CLDN11: variants seen among roughly 807,000 people sequenced by gnomAD.
CLDN11 encodes the protein claudin-11.
In CLDN11, 1 loss-of-function variant was observed where a neutral mutation model predicts 18.0. That is an observed-to-expected ratio of 0.06 (90% CI 0.02 to 0.26). The LOEUF (loss-of-function observed/expected upper bound fraction) is 0.26. Ranked by LOEUF, CLDN11 falls within the 10% of genes least tolerant of loss-of-function variation. The pLI is 1.00. For missense variants in CLDN11, 172 were observed against 276.6 expected (o/e 0.62, Z 2.68); for synonymous variants, 116 against 121.5 (o/e 0.96, Z 0.30).
In CLDN11 at chr3:170,432,532, G is replaced by A. The variant is rs143763226; in HGVS notation, c.400G>A (p.Ala134Thr). The A allele has an allele frequency of 3.0e-5, 48 of 1,612,594 alleles. No homozygotes were observed. The highest frequency in any genetic ancestry group is 9.9e-5 in the South Asian group (9 of 91,066). Residue 134 changes from alanine (A) to threonine (T), a missense_variant, in exon 3 of 3, where the codon GCC (alanine) becomes ACC (threonine). Coordinates refer to ENST00000064724, the MANE Select transcript of CLDN11 (RefSeq NM_005602.6). ...TCTCCATGTCTCTCCAGCTCTCTGC[G>A]CCCTTGTTGCCACCATCTGGTTCCC... Reference protein sequence around the residue: ...GVLLILLALCALVATIWFPVC... With the variant: ...GVLLILLALCTLVATIWFPVC...
rs1738652939 is a variant in CLDN11 at position 170,418,924 on chromosome 3, C to T, written c.-143C>T. The T allele has an allele frequency of 1.9e-5, 12 of 630,286 alleles. No homozygotes were observed. Among genetic ancestry groups the T allele is most frequent in the Non-Finnish European group, 3.3e-5 (12 of 364,976 alleles). 39.0% of individuals were successfully genotyped at this position (630,286 alleles called of 1,614,324 possible). Reference sequence around the variant, plus strand: ...CGCTGAGCTCGCAGCCTCCGGCGCCCACCTCCACCTCCAGTGTCCCGCCTC... The same window carrying T: ...CGCTGAGCTCGCAGCCTCCGGCGCCTACCTCCACCTCCAGTGTCCCGCCTC... On this transcript the variant is annotated 5_prime_UTR_variant, in exon 1 of 3. Transcript: ENST00000064724. The surrounding 1 kb of genome is among the most constrained non-coding windows in gnomAD (Gnocchi z 4.3).
In CLDN11 at chr3:170,427,701, C is replaced by T. The variant is rs538943978; in HGVS notation, c.391+4374C>T. Reference sequence around the variant, plus strand: ...GCAGGTGCCTGTAATCCCAGCTACGCAGGAGGCTGAGGCACGAGGATTGCT... The same window carrying T: ...GCAGGTGCCTGTAATCCCAGCTACGTAGGAGGCTGAGGCACGAGGATTGCT... On this transcript the variant is annotated intron_variant, in intron 2 of 2. Transcript: ENST00000064724. Among the ~76,000 whole-genome samples the T allele has an allele frequency of 2.7e-5, 4 of 150,160 alleles. No homozygotes were observed. In the South Asian group the frequency reaches 8.4e-4, roughly 32 times the overall value.
At chr3:170,423,355 A>G (rs1373655358) in intron 2 of CLDN11, 28 bp downstream of exon 2, 3 of 1,608,428 alleles carry the variant, frequency 1.9e-6, no homozygotes, top group Non-Finnish European at 2.6e-6. Context: ...GTGGTACCCT[A>G]CCTATGAGGG....
At chr3:170,421,488 T>C (rs1215367121) in intron 1 of CLDN11, among the ~76,000 whole-genome samples, 1 of 152,260 alleles carries the variant, frequency 6.6e-6, no homozygotes, top group Admixed American at 6.5e-5. Context: ...TGGGCAGTGC[T>C]GGAAGAGGGC....
chr3:170,423,959 G>A (rs1738780486), intron 2 of CLDN11, among the ~76,000 whole-genome samples: 1 of 147,796 alleles, frequency 6.8e-6, no homozygotes, highest in African/African-American at 2.5e-5. Context: ...AACCCAGGAG[G>A]CAGAGGTTGC....
chr3:170,428,597 C>T (rs1463073733), intron 2 of CLDN11, among the ~76,000 whole-genome samples: 2 of 152,110 alleles, frequency 1.3e-5, no homozygotes, highest in Non-Finnish European at 2.9e-5. Context: ...TTTCTTTTCC[C>T]TTCCCTTTCT....
chr3:170,419,977 G>T lies in CLDN11; in HGVS notation c.226+685G>T, dbSNP rs1481598325. ...CGTCAGACTGCGGGGCTGCGGTGACGCCGGCTCCCGCTCCGCGCCGCTGGG... is the reference window on the plus strand; with the variant it reads ...CGTCAGACTGCGGGGCTGCGGTGACTCCGGCTCCCGCTCCGCGCCGCTGGG... On this transcript the variant is annotated intron_variant, in intron 1 of 2. Coordinates refer to ENST00000064724, the MANE Select transcript of CLDN11 (RefSeq NM_005602.6). The surrounding 1 kb of genome is among the most constrained non-coding windows in gnomAD (Gnocchi z 8.6). Among the ~76,000 whole-genome samples, 1 of 152,234 alleles carries T rather than the reference G, an allele frequency of 6.6e-6. No individual in the cohort carries two copies. Among genetic ancestry groups the T allele is most frequent in the East Asian group, 1.9e-4 (1 of 5,198 alleles).
At chr3:170,424,023 CA>C (rs58373106) in intron 2 of CLDN11, among the ~76,000 whole-genome samples, 31 of 120,268 alleles carry the variant, frequency 2.6e-4, no homozygotes, top group Non-Finnish European at 4.0e-4. Flanking sequence ...AGTGCAACTC[CA>C]AAAAAAAAAA....
Position 170,419,347 on chromosome 3 carries a change from C to A in CLDN11, c.226+55C>A. 2 of 1,341,476 alleles carry A rather than the reference C, an allele frequency of 1.5e-6. No homozygotes were observed. Among genetic ancestry groups the A allele is most frequent in the Non-Finnish European group, 1.0e-6 (1 of 969,420 alleles). 83.1% of individuals were successfully genotyped at this position (1,341,476 alleles called of 1,614,324 possible). On this transcript the variant is annotated intron_variant, in intron 1 of 2. Coordinates refer to ENST00000064724, the MANE Select transcript of CLDN11 (RefSeq NM_005602.6). The surrounding 1 kb of genome is among the most constrained non-coding windows in gnomAD (Gnocchi z 8.6). Reference sequence around the variant, plus strand: ...AAATCCTTATCCTCTGGGTAGAGAGCGGGATATTAGACGGCGTCACAGAGA... The same window carrying A: ...AAATCCTTATCCTCTGGGTAGAGAGAGGGATATTAGACGGCGTCACAGAGA...
chr3:170,420,738 G>A (rs187492031), intron 1 of CLDN11, among the ~76,000 whole-genome samples: 21 of 152,268 alleles, frequency 1.4e-4, no homozygotes, highest in Admixed American at 5.9e-4. Flanking sequence ...AAGGCCAGAG[G>A]TCAACGAACG....
At position 170,434,230 on chromosome 3, in the gene CLDN11, T is replaced by A. The variant is rs1462451622; in HGVS notation, c.*1474T>A. ...ACAAGTAATTCTGCATTGCCTTGAATAATTAAAAAGTTATATTTTATTCAC... is the reference window on the plus strand; with the variant it reads ...ACAAGTAATTCTGCATTGCCTTGAAAAATTAAAAAGTTATATTTTATTCAC... On this transcript the variant is annotated 3_prime_UTR_variant, in exon 3 of 3. Coordinates refer to ENST00000064724, the MANE Select transcript of CLDN11 (RefSeq NM_005602.6). The A allele has an allele frequency of 1.3e-5, 2 of 152,660 alleles. No homozygotes were observed. Among genetic ancestry groups the A allele is most frequent in the Admixed American group, 6.5e-5 (1 of 15,286 alleles). 9.5% of individuals were successfully genotyped at this position (152,660 alleles called of 1,614,324 possible).
chr3:170,420,312 T>G (rs975646863), intron 1 of CLDN11, among the ~76,000 whole-genome samples: 2 of 152,166 alleles, frequency 1.3e-5, no homozygotes, highest in Non-Finnish European at 2.9e-5. Flanking sequence ...GGTGGGCTTC[T>G]GTCCCCCAGC....
At position 170,433,463 on chromosome 3, in the gene CLDN11, G is replaced by A. The variant is rs963362385; in HGVS notation, c.*707G>A. 5.9e-5 allele frequency: 9 copies of A among 152,250 alleles called. No individual in the cohort carries two copies. Among genetic ancestry groups the A allele is most frequent in the African/African-American group, 2.2e-4 (9 of 41,510 alleles). The allele number at this position is 152,250 out of a possible 1,614,324, so 9.4% of individuals were successfully genotyped here. A position where few individuals can be genotyped will look rare whatever the true frequency, so the allele number is the denominator to read the frequency against. On this transcript the variant is annotated 3_prime_UTR_variant, in exon 3 of 3. Coordinates refer to ENST00000064724, the MANE Select transcript of CLDN11 (RefSeq NM_005602.6). ...CCAAGATGCTTTTCAAACTGATACA[G>A]ATGACAATGGGAGCCTCATAAAGAT...
chr3:170,423,351 C>T (rs764104078), intron 2 of CLDN11, 24 bp downstream of exon 2: 2 of 1,611,474 alleles, frequency 1.2e-6, no homozygotes, highest in Non-Finnish European at 1.7e-6. Context: ...CTCAGTGGTA[C>T]CCTACCTATG....
At position 170,432,922 on chromosome 3, in the gene CLDN11, C is replaced by T. The variant is rs1267805494; in HGVS notation, c.*166C>T. On this transcript the variant is annotated 3_prime_UTR_variant, in exon 3 of 3. Transcript: ENST00000064724. ...GTAGTCTTAACTTCTCCCCATTTCC[C>T]CCATCTTTTGGTTGCCTTAAAAGAA... The T allele has an allele frequency of 1.6e-6, 1 of 641,776 alleles. No individual in the cohort carries two copies. Among genetic ancestry groups the T allele is most frequent in the Non-Finnish European group, 2.7e-6 (1 of 373,074 alleles). 39.8% of individuals were successfully genotyped at this position (641,776 alleles called of 1,614,324 possible). A position where few individuals can be genotyped will look rare whatever the true frequency, so the allele number is the denominator to read the frequency against.
chr3:170,430,749 T>G (rs1212844647), intron 2 of CLDN11, among the ~76,000 whole-genome samples: 1 of 151,798 alleles, frequency 6.6e-6, no homozygotes, highest in Non-Finnish European at 1.5e-5. Flanking sequence ...TTTTGCCATG[T>G]TGGCCAGGCT....
At position 170,433,663 on chromosome 3, in the gene CLDN11, T is replaced by C. The variant is rs1458745761; in HGVS notation, c.*907T>C. ...ATATTTTTTAGTTTGTGATTTTACA[T>C]TTATCTGTACATACTTTTTCAAGAT... On this transcript the variant is annotated 3_prime_UTR_variant, in exon 3 of 3. Transcript: ENST00000064724. 1 of 152,612 alleles carries C rather than the reference T, an allele frequency of 6.6e-6. No homozygotes were observed. The highest frequency in any genetic ancestry group is 1.5e-5 in the Non-Finnish European group (1 of 68,026). The allele number at this position is 152,612 out of a possible 1,614,324, so 9.5% of individuals were successfully genotyped here.
chr3:170,418,869 G>A lies in CLDN11; in HGVS notation c.-198G>A. 2.0e-6 allele frequency: 1 copy of A among 505,716 alleles called. No individual in the cohort carries two copies. The allele number at this position is 505,716 out of a possible 1,614,324, so 31.3% of individuals were successfully genotyped here. ...GGGGGCGGGGGCGCGCTGCCCAGCA[G>A]CGCTGCTGTCCCCGCCGTGCGCCCT... On this transcript the variant is annotated 5_prime_UTR_variant, in exon 1 of 3. Transcript: ENST00000064724. The surrounding 1 kb of genome is among the most constrained non-coding windows in gnomAD (Gnocchi z 4.3).
intron 2 of CLDN11, among the ~76,000 whole-genome samples, chr3:170,424,447 T>A (rs539249927): frequency 6.6e-6 from 1 of 152,162 alleles, no homozygotes; most frequent in East Asian, 1.9e-4. Flanking sequence ...CTCATTTGGT[T>A]TTGCTGATTA....
Sources: allele counts gnomAD v4.1 joint callset (sites outside exome capture counted in the v4.1 genomes callset), GRCh38; gene constraint gnomAD v4.1.1; non-coding constraint Gnocchi (gnomAD v3.1); transcripts MANE v1.5; gene names NCBI Gene and HGNC (gene_info 2026-07-23, HGNC 2026-07-21).